NLGN1: variants seen among roughly 807,000 people sequenced by gnomAD.
The protein encoded by NLGN1 is neuroligin-1.
In NLGN1, 12 loss-of-function variants were observed where a neutral mutation model predicts 65.5. The ratio of observed to expected loss-of-function variants is 0.18; its 90% CI spans 0.12 to 0.30. The LOEUF is 0.30. NLGN1 is among the 10% of genes least tolerant of loss of function. NLGN1 has a pLI of 1.00. For synonymous variants in NLGN1, 350 were observed against 359.5 expected (o/e 0.97, Z 0.30); for missense variants, 750 against 1,007.1 (o/e 0.74, Z 3.46).
intron 4 of NLGN1, among the ~76,000 whole-genome samples, chr3:174,005,808 G>A (rs1040482516): frequency 2.0e-5 from 3 of 151,760 alleles, no homozygotes; most frequent in Non-Finnish European, 4.4e-5. Flanking sequence ...TACTAGCTAT[G>A]TAACAGTAGA....
At chr3:174,072,436 A>G (rs1481113468) in intron 4 of NLGN1, among the ~76,000 whole-genome samples, 1 of 152,184 alleles carries the variant, frequency 6.6e-6, no homozygotes, top group East Asian at 1.9e-4. Flanking sequence ...TGTAATGGTT[A>G]TTTGACAGGT....
Position 173,968,687 on chromosome 3 carries a change from C to CTTTTTTTT in NLGN1, c.646+160877_646+160884dup, listed in dbSNP as rs34662762. ...ACACCCCACAATTACTGAAAATAAT[C>CTTTTTTTT]TTTTTTTTTTTTTTTTTTTTTTTTT... On this transcript the variant is annotated intron_variant, in intron 4 of 6. Coordinates refer to ENST00000457714, the Ensembl canonical transcript of NLGN1. Among the ~76,000 whole-genome samples, 72 of 59,476 alleles carry CTTTTTTTT rather than the reference C, an allele frequency of 1.2e-3. 10 individuals carry two copies. The highest frequency in any genetic ancestry group is 4.7e-3 in the African/African-American group (65 of 13,736). 39.0% of individuals were successfully genotyped at this position (59,476 alleles called of 152,430 possible).
At chr3:174,197,885 T>G (rs566618610) in intron 4 of NLGN1, among the ~76,000 whole-genome samples, 1 of 152,168 alleles carries the variant, frequency 6.6e-6, no homozygotes, top group Non-Finnish European at 1.5e-5. Flanking sequence ...ACTTGGAAAC[T>G]AAATGTGAAA....
Position 173,406,616 on chromosome 3 carries a change from G to A in NLGN1, c.-390+8129G>A, listed in dbSNP as rs183021372. Among the ~76,000 whole-genome samples the A allele has an allele frequency of 3.4e-3, 516 of 150,308 alleles. 4 individuals carry two copies. The highest frequency in any genetic ancestry group is 0.012 in the African/African-American group (495 of 40,876). ...TATATATATATAAATCAAAGGAAGA[G>A]AAGCCTATAGTTGGACCAGTCAGAT... is the stretch of plus-strand genomic sequence containing the variant. On this transcript the variant is annotated intron_variant, in intron 1 of 6. Transcript: ENST00000457714.
chr3:173,575,408 G>C (rs142564697), intron 2 of NLGN1, among the ~76,000 whole-genome samples: 1 of 151,916 alleles, frequency 6.6e-6, no homozygotes, highest in African/African-American at 2.4e-5. Flanking sequence ...ACTTCTTCAC[G>C]TACTTTTGGT....
intron 2 of NLGN1, among the ~76,000 whole-genome samples, chr3:173,469,716 G>T (rs1386736547): frequency 6.6e-6 from 1 of 151,374 alleles, no homozygotes; most frequent in Non-Finnish European, 1.5e-5. Flanking sequence ...CAACACATCA[G>T]AGTAAAACCC....
intron 3 of NLGN1, among the ~76,000 whole-genome samples, chr3:173,796,225 A>G (rs959768424): frequency 6.6e-6 from 1 of 152,144 alleles, no homozygotes; most frequent in Non-Finnish European, 1.5e-5. Context: ...ATCAAAGGGA[A>G]TGATAAAAAG....
At chr3:173,473,652 A>G (rs1725675419) in intron 2 of NLGN1, among the ~76,000 whole-genome samples, 2 of 152,194 alleles carry the variant, frequency 1.3e-5, no homozygotes, top group African/African-American at 2.4e-5. Flanking sequence ...CCTATCCCAA[A>G]TTGGCTGTTT....
chr3:173,937,828 TG>T (rs1266187444), intron 4 of NLGN1, among the ~76,000 whole-genome samples: 2 of 152,204 alleles, frequency 1.3e-5, no homozygotes, highest in Non-Finnish European at 2.9e-5. Context: ...GCAATTTCTC[TG>T]GTCAATTATG....
At chr3:174,241,542 T>C (rs1190293206) in intron 4 of NLGN1, among the ~76,000 whole-genome samples, 1 of 151,738 alleles carries the variant, frequency 6.6e-6, no homozygotes, top group Admixed American at 6.6e-5. Flanking sequence ...ATACTTCGTA[T>C]ATATAGAAGA....
At chr3:173,425,996 T>A (rs956233888) in intron 1 of NLGN1, among the ~76,000 whole-genome samples, 4 of 152,178 alleles carry the variant, frequency 2.6e-5, no homozygotes, top group African/African-American at 7.2e-5. Flanking sequence ...GTGTCATTTT[T>A]AATTTCATTC....
At chr3:173,709,803 CAAAAA>C (rs59998502) in intron 3 of NLGN1, among the ~76,000 whole-genome samples, 4 of 69,276 alleles carry the variant, frequency 5.8e-5, no homozygotes, top group Non-Finnish European at 1.1e-4. Context: ...AACTCTATCT[CAAAAA>C]AAAAAAAAAA....
intron 5 of NLGN1, among the ~76,000 whole-genome samples, chr3:174,278,219 T>G (rs1337029129): frequency 1.3e-5 from 2 of 151,990 alleles, no homozygotes; most frequent in Non-Finnish European, 2.9e-5. Context: ...TCAAAGGTTA[T>G]GTCTTCTTCT....
chr3:173,596,293 A>G (rs953662546), intron 2 of NLGN1, among the ~76,000 whole-genome samples: 9 of 152,188 alleles, frequency 5.9e-5, no homozygotes, highest in African/African-American at 1.9e-4. Flanking sequence ...GGGGAATATC[A>G]TGCAACTCTG....
At chr3:173,881,416 C>CTCCT (rs1202040657) in intron 4 of NLGN1, among the ~76,000 whole-genome samples, 15 of 138,210 alleles carry the variant, frequency 1.1e-4, no homozygotes, top group African/African-American at 4.1e-4. Context: ...TTCTGCTCCA[C>CTCCT]TCCTTTTTTT....
At chr3:174,293,503 G>A in the NLGN1 span, among the ~76,000 whole-genome samples, 1 of 151,662 alleles carries the variant, frequency 6.6e-6, no homozygotes, top group South Asian at 2.1e-4. Context: ...AAAATGTCAT[G>A]ACTTCAGAAA....
At chr3:173,422,146 T>TATACACAC (rs398063034) in intron 1 of NLGN1, among the ~76,000 whole-genome samples, 2,138 of 130,308 alleles carry the variant, frequency 0.016, 54 homozygotes, top group African/African-American at 0.057. Context: ...ACACTATATA[T>TATACACAC]ACACACACAC....
At chr3:173,426,299 T>A (rs971532639) in intron 1 of NLGN1, among the ~76,000 whole-genome samples, 2 of 152,106 alleles carry the variant, frequency 1.3e-5, no homozygotes, top group African/African-American at 4.8e-5. Flanking sequence ...GACTTCTTCC[T>A]TTTTCATTTG....
chr3:174,155,444 C>T (rs533236876), intron 4 of NLGN1, among the ~76,000 whole-genome samples: 16 of 151,882 alleles, frequency 1.1e-4, no homozygotes, highest in Non-Finnish European at 2.2e-4. Flanking sequence ...AGATTAGCTA[C>T]AGACCATTTG....
Sources: gnomAD v4.1 joint callset for allele counts (sites outside exome capture counted in the v4.1 genomes callset) on GRCh38, gnomAD v4.1.1 for gene constraint, MANE v1.5 for transcripts, NCBI Gene and HGNC (gene_info 2026-07-23, HGNC 2026-07-21) for gene names.